The following HACE1 variants were observed in gnomAD, a reference collection of about 807,000 sequenced individuals.
HACE1 encodes the protein E3 ubiquitin-protein ligase HACE1.
Under a neutral mutation model 118.4 loss-of-function variants are expected in HACE1, and 73 were observed. The observed-to-expected ratio is 0.62, with a 90% CI of 0.51 to 0.75. The LOEUF (loss-of-function observed/expected upper bound fraction) is 0.75. Ranked by LOEUF, HACE1 falls within the 30% of genes least tolerant of loss-of-function variation. The pLI, the probability that HACE1 is intolerant of heterozygous loss-of-function variation, is 0.00. For synonymous variants in HACE1, 368 were observed against 374.8 expected (o/e 0.98, Z 0.21); for missense variants, 749 against 1,102.2 (o/e 0.68, Z 4.54).
intron 7 of HACE1, among the ~76,000 whole-genome samples, chr6:104,810,911 C>T (rs538504209): frequency 2.0e-5 from 3 of 152,032 alleles, no homozygotes; most frequent in East Asian, 1.9e-4. Context: ...CTGGAAATGA[C>T]CTGGTTACAT....
Position 104,815,626 on chromosome 6 carries a change from G to C in HACE1, c.535-4233C>G, listed in dbSNP as rs185606176. ...GATCCACCCACCTTGGCCTCCTAAA[G>C]TGCTGGGATTACAGGCCTGACCCAG... On this transcript the variant is annotated intron_variant, in intron 6 of 23. Coordinates refer to ENST00000262903, the MANE Select transcript of HACE1 (RefSeq NM_020771.4). Among the ~76,000 whole-genome samples, 26 of 137,948 alleles carry C rather than the reference G, an allele frequency of 1.9e-4. 8 individuals are homozygous for C. Among genetic ancestry groups the C allele is most frequent in the African/African-American group, 6.7e-4 (23 of 34,560 alleles). The allele number at this position is 137,948 out of a possible 152,430, so 90.5% of individuals were successfully genotyped here.
intron 1 of HACE1, 134 bp downstream of exon 1, chr6:104,859,433 A>T: frequency 1.4e-6 from 1 of 714,928 alleles, no homozygotes; most frequent in Non-Finnish European, 2.2e-6. Context: ...GCCGCCTCTC[A>T]GCTCTGGAAA....
At chr6:104,820,438 T>C (rs886394511) in intron 6 of HACE1, among the ~76,000 whole-genome samples, 2 of 152,116 alleles carry the variant, frequency 1.3e-5, no homozygotes, top group African/African-American at 4.8e-5. Context: ...TTGCAAACTA[T>C]GCATCTGACA....
intron 6 of HACE1, among the ~76,000 whole-genome samples, chr6:104,831,980 G>GAAGAGAAGAGAAGAGAAGAGGAGGAAGGA (rs71003447): frequency 8.9e-4 from 56 of 62,928 alleles, no homozygotes; most frequent in Non-Finnish European, 1.2e-3. Flanking sequence ...GAAGAGAAGA[G>GAAGAGAAGAGAAGAGAAGAGGAGGAAGGA]AGGAAGGAAG....
At chr6:104,846,818 T>G (rs1160952432) in intron 4 of HACE1, among the ~76,000 whole-genome samples, 1 of 152,142 alleles carries the variant, frequency 6.6e-6, no homozygotes, top group Non-Finnish European at 1.5e-5. Context: ...TAGCAAACAT[T>G]GAGCACCTCT....
intron 9 of HACE1, 117 bp from the exon 10 acceptor site, chr6:104,795,802 T>G (rs1413503934): frequency 1.5e-6 from 1 of 669,654 alleles, no homozygotes; most frequent in East Asian, 2.7e-5. Context: ...GTCCTTTAGT[T>G]ATTTTGTCTT....
At chr6:104,804,581 G>A (rs1341812748) in intron 7 of HACE1, among the ~76,000 whole-genome samples, 1 of 152,074 alleles carries the variant, frequency 6.6e-6, no homozygotes, top group South Asian at 2.1e-4. Flanking sequence ...TCTGATCTTT[G>A]ACAAACCTGA....
intron 20 of HACE1, 146 bp downstream of exon 20, chr6:104,750,195 C>T (rs7770809): frequency 0.16 from 109,018 of 675,588 alleles, 10,502 homozygotes; most frequent in African/African-American, 0.36. Context: ...AATTTTATAT[C>T]AAATCTCTAA....
intron 7 of HACE1, among the ~76,000 whole-genome samples, chr6:104,799,172 C>T (rs554145673): frequency 5.3e-5 from 8 of 152,192 alleles, no homozygotes; most frequent in African/African-American, 1.9e-4. Flanking sequence ...TTAACGGTGA[C>T]ACTGTTATAA....
chr6:104,817,187 C>T (rs750727619), intron 6 of HACE1, among the ~76,000 whole-genome samples: 13 of 152,066 alleles, frequency 8.5e-5, no homozygotes, highest in African/African-American at 2.4e-4. Flanking sequence ...TTTTCCAATA[C>T]GAGAAGAACA....
chr6:104,855,671 T>TA (rs1271649855), intron 1 of HACE1, among the ~76,000 whole-genome samples: 1 of 152,118 alleles, frequency 6.6e-6, no homozygotes, highest in African/African-American at 2.4e-5. Flanking sequence ...AATACTACAC[T>TA]AAGCCTCCCT....
chr6:104,812,738 A>AAC (rs1562430200), intron 6 of HACE1, among the ~76,000 whole-genome samples: 1 of 152,170 alleles, frequency 6.6e-6, no homozygotes, highest in Admixed American at 6.5e-5. Flanking sequence ...CTTACTACAG[A>AAC]ACACACACAT....
In HACE1 at chr6:104,750,473, C is replaced by T. The variant is rs915732285; in HGVS notation, c.2212-1G>A. On this transcript the variant is annotated splice_acceptor_variant, in intron 19 of 23. Coordinates refer to ENST00000262903, the MANE Select transcript of HACE1 (RefSeq NM_020771.4). LOFTEE classifies it high-confidence loss of function. Reference sequence around the variant, plus strand: ...CAGTAACAAGCTGGACGTACTCCGCCTGTTGAAAAAGAAGTTTTCATGATG... The same window carrying T: ...CAGTAACAAGCTGGACGTACTCCGCTTGTTGAAAAAGAAGTTTTCATGATG... 5.6e-6 allele frequency: 9 copies of T among 1,613,088 alleles called. No individual in the cohort carries two copies. The highest frequency in any genetic ancestry group is 6.8e-6 in the Non-Finnish European group (8 of 1,179,424).
chr6:104,785,352 T>A (rs1229492153), intron 11 of HACE1, 33 bp from the exon 12 acceptor site: 1 of 1,196,404 alleles, frequency 8.4e-7, no homozygotes, highest in South Asian at 1.2e-5. Flanking sequence ...TTAAACATCA[T>A]TCTTAAACTA....
At position 104,791,485 on chromosome 6, in the gene HACE1, T is replaced by C; in HGVS notation, c.1074+19A>G. ...TCTTTTACGTCTATCTTCCTAACAATGCCATATACTTTTCTCACCTTGAAC... is the reference window on the plus strand; with the variant it reads ...TCTTTTACGTCTATCTTCCTAACAACGCCATATACTTTTCTCACCTTGAAC... On this transcript the variant is annotated intron_variant, in intron 11 of 23. Coordinates refer to ENST00000262903, the MANE Select transcript of HACE1 (RefSeq NM_020771.4). The C allele has an allele frequency of 6.3e-7, 1 of 1,596,214 alleles. No individual in the cohort carries two copies. The highest frequency in any genetic ancestry group is 8.6e-7 in the Non-Finnish European group (1 of 1,163,864).
At chr6:104,739,661 A>G (rs1270296480) in intron 22 of HACE1, among the ~76,000 whole-genome samples, 2 of 152,010 alleles carry the variant, frequency 1.3e-5, no homozygotes, top group East Asian at 1.9e-4. Flanking sequence ...ACCAAGATTC[A>G]TAAAGCAAGT....
chr6:104,755,710 T>A (rs188118295), intron 19 of HACE1, among the ~76,000 whole-genome samples: 1 of 152,246 alleles, frequency 6.6e-6, no homozygotes, highest in Admixed American at 6.5e-5. Flanking sequence ...ATGGGAGAAA[T>A]CAAGAATTTA....
chr6:104,752,960 C>T (rs911779308), intron 19 of HACE1, among the ~76,000 whole-genome samples: 5 of 152,016 alleles, frequency 3.3e-5, no homozygotes, highest in African/African-American at 1.2e-4. Flanking sequence ...ATAATGAAAT[C>T]CTAGCTATCA....
chr6:104,819,612 G>A (rs1346432767), intron 6 of HACE1, among the ~76,000 whole-genome samples: 1 of 152,114 alleles, frequency 6.6e-6, no homozygotes, highest in Non-Finnish European at 1.5e-5. Flanking sequence ...AAAGTTGGAG[G>A]CATCACGCTA....
Sources: allele counts gnomAD v4.1 joint callset (sites outside exome capture counted in the v4.1 genomes callset), GRCh38; gene constraint gnomAD v4.1.1; transcripts MANE v1.5; gene names NCBI Gene and HGNC (gene_info 2026-07-23, HGNC 2026-07-21).